AHRR: variants seen among roughly 807,000 people sequenced by gnomAD.
The protein encoded by AHRR is aryl hydrocarbon receptor repressor.
A neutral mutation model predicts 44.0 loss-of-function variants in AHRR; 28 were observed. The ratio of observed to expected loss-of-function variants is 0.64; its 90% confidence interval spans 0.47 to 0.87. AHRR has a LOEUF of 0.87. AHRR is among the 40% of genes least tolerant of loss of function. The pLI, the probability that AHRR is intolerant of heterozygous loss-of-function variation, is 0.00. For missense variants in AHRR, 990 were observed against 953.9 expected, an observed-to-expected ratio of 1.04 and a Z score of -0.50; for synonymous variants, 434 against 407.0, an observed-to-expected ratio of 1.07 and a Z score of -0.80.
intron 4 of AHRR, among the ~76,000 whole-genome samples, chr5:394,185 T>C (rs1362001267): frequency 6.6e-6 from 1 of 152,236 alleles, no homozygotes; most frequent in African/African-American, 2.4e-5. Context: ...ACAAGGAGCC[T>C]CCAGGCTGCA....
chr5:423,777 T>C, intron 6 of AHRR, 64 bp from the exon 7 acceptor site: 4 of 1,534,564 alleles, frequency 2.6e-6, no homozygotes, highest in Non-Finnish European at 3.5e-6. Context: ...GGCGTGGTTG[T>C]GCGTGTGACA....
At position 434,540 on chromosome 5, in the gene AHRR, C is replaced by T. The variant is rs373924280; in HGVS notation, c.1800C>T (p.Ala600=). Reference sequence around the variant, plus strand: ...GGGGGGCTCAGCCCCATGGGAGGGCCACTGCTGGGCGCAGCAGGGAGCTGA... The same window carrying T: ...GGGGGGCTCAGCCCCATGGGAGGGCTACTGCTGGGCGCAGCAGGGAGCTGA... The part of the protein sequence containing the change: ...GVRGAQPHGR[A]TAGRSRELTP... The change falls in exon 11 of 11, where the codon GCC becomes GCT. Residue 600 remains alanine, a synonymous_variant. Coordinates refer to ENST00000684583, the MANE Select transcript of AHRR (RefSeq NM_001377236.1). 90 of 1,608,634 alleles carry T rather than the reference C, an allele frequency of 5.6e-5. No homozygotes were observed. The highest frequency in any genetic ancestry group is 7.5e-5 in the Non-Finnish European group (88 of 1,178,168).
In AHRR at chr5:399,822, T is replaced by C. The variant is rs957141472; in HGVS notation, c.352-13522T>C. Among the ~76,000 whole-genome samples, 7 of 152,208 alleles carry C rather than the reference T, an allele frequency of 4.6e-5. No homozygotes were observed. In the East Asian group the frequency reaches 1.2e-3, roughly 25 times the overall value. ...CCCGGGGCTTCAGTCAGCCTCCCAC[T>C]CTGTGGCCATCCGGCCAGCTGCATT... On this transcript the variant is annotated intron_variant, in intron 4 of 10. Coordinates refer to ENST00000684583, the MANE Select transcript of AHRR (RefSeq NM_001377236.1).
intron 4 of AHRR, among the ~76,000 whole-genome samples, chr5:392,419 G>A (rs1255698168): frequency 5.1e-5 from 7 of 137,284 alleles, no homozygotes; most frequent in Non-Finnish European, 6.4e-5. Flanking sequence ...GAGCGTGCAC[G>A]AACACACGGG....
intron 1 of AHRR, among the ~76,000 whole-genome samples, chr5:341,934 AT>A (rs1742364211): frequency 6.6e-6 from 1 of 152,094 alleles, no homozygotes; most frequent in Non-Finnish European, 1.5e-5. Flanking sequence ...ATATTTTTAA[AT>A]TTCTTTGTGA....
At chr5:371,526 A>G (rs999758774) in intron 3 of AHRR, among the ~76,000 whole-genome samples, 2 of 152,208 alleles carry the variant, frequency 1.3e-5, no homozygotes, top group African/African-American at 4.8e-5. Context: ...GGGCAGGTGC[A>G]GCAGGGGCTG....
chr5:371,555 G>GGGT (rs1743581257), intron 3 of AHRR, among the ~76,000 whole-genome samples: 1 of 152,116 alleles, frequency 6.6e-6, no homozygotes, highest in Non-Finnish European at 1.5e-5. Flanking sequence ...CCTCATGCAC[G>GGGT]GGTAAGCCCC....
rs1219819015 is a variant in AHRR at position 427,905 on chromosome 5, T to C, written c.807T>C (p.Ile269=). The change falls in exon 8 of 11, where the codon ATT becomes ATC. Residue 269 remains isoleucine (I), a synonymous_variant. Transcript: ENST00000684583. ...MLPPRLSLFC[I]AAPVLLPSAA... Reference sequence around the variant, plus strand: ...CGCCGCGGCTGTCGCTGTTCTGCATTGCGGCACCCGTTCTCCTCCCCTCCG... The same window carrying C: ...CGCCGCGGCTGTCGCTGTTCTGCATCGCGGCACCCGTTCTCCTCCCCTCCG... 4 of 1,614,110 alleles carry C rather than the reference T, an allele frequency of 2.5e-6. No homozygotes were observed. Among genetic ancestry groups the C allele is most frequent in the East Asian group, 4.5e-5 (2 of 44,888 alleles).
At chr5:421,190 A>T (rs768955044) in intron 5 of AHRR, 140 of 644,096 alleles carry the variant, frequency 2.2e-4, no homozygotes, top group Non-Finnish European at 2.9e-4. Flanking sequence ...GGTGCCGGGC[A>T]GGAGGCCCTT....
intron 8 of AHRR, among the ~76,000 whole-genome samples, chr5:430,828 C>G (rs566492168): frequency 9.2e-5 from 14 of 152,280 alleles, no homozygotes; most frequent in Admixed American, 3.9e-4. Context: ...CCTGCTGAGG[C>G]CCACACATCT....
At position 437,405 on chromosome 5, in the gene AHRR, A is replaced by C. The variant is rs1327872998; in HGVS notation, c.*2571A>C. On this transcript the variant is annotated 3_prime_UTR_variant, in exon 11 of 11. Coordinates refer to ENST00000684583, the MANE Select transcript of AHRR (RefSeq NM_001377236.1). ...AGGAGGGCAGGGAGCTCAGTGACTGAGAGTCTTGTGTATCACATGTCTTGA... is the reference window on the plus strand; with the variant it reads ...AGGAGGGCAGGGAGCTCAGTGACTGCGAGTCTTGTGTATCACATGTCTTGA... 1.3e-5 allele frequency: 2 copies of C among 152,314 alleles called. No individual in the cohort carries two copies. The highest frequency in any genetic ancestry group is 4.8e-5 in the African/African-American group (2 of 41,440). 9.4% of individuals were successfully genotyped at this position (152,314 alleles called of 1,614,324 possible).
chr5:417,894 A>G (rs934508851), intron 5 of AHRR, among the ~76,000 whole-genome samples: 14 of 152,244 alleles, frequency 9.2e-5, no homozygotes, highest in Admixed American at 2.6e-4. Context: ...TCAGGAACCA[A>G]TTATTCCCAG....
At chr5:397,833 T>C (rs1378410131) in intron 4 of AHRR, among the ~76,000 whole-genome samples, 1 of 73,212 alleles carries the variant, frequency 1.4e-5, no homozygotes. Flanking sequence ...TGACCGTCCA[T>C]GTTAGCCCCT....
At chr5:345,285 G>A (rs111162226) in intron 2 of AHRR, among the ~76,000 whole-genome samples, 44 of 119,862 alleles carry the variant, frequency 3.7e-4, no homozygotes, top group African/African-American at 1.1e-3. Flanking sequence ...TGTGTGTGTC[G>A]GATGATGTCC....
intron 4 of AHRR, among the ~76,000 whole-genome samples, chr5:398,968 C>T (rs1044673781): frequency 6.6e-5 from 10 of 152,240 alleles, no homozygotes; most frequent in African/African-American, 1.9e-4. Context: ...TCATTCCTCT[C>T]GAGGACCAAG....
At chr5:424,081 CAT>C in intron 7 of AHRR, 104 bp downstream of exon 7, 1 of 1,483,754 alleles carries the variant, frequency 6.7e-7, no homozygotes, top group East Asian at 2.3e-5. Context: ...CGTTAAACCA[CAT>C]GTCCCTGGTG....
At chr5:363,362 C>T (rs1743245020) in intron 3 of AHRR, among the ~76,000 whole-genome samples, 1 of 152,218 alleles carries the variant, frequency 6.6e-6, no homozygotes, top group Non-Finnish European at 1.5e-5. Flanking sequence ...TCTGCCACAA[C>T]TGGCCAACTC....
intron 5 of AHRR, among the ~76,000 whole-genome samples, chr5:416,865 G>A (rs1471384657): frequency 6.6e-6 from 1 of 152,162 alleles, no homozygotes. Context: ...TTTTGTGCAG[G>A]GCCCATGTCT....
At chr5:412,673 A>G (rs1735511432) in intron 4 of AHRR, among the ~76,000 whole-genome samples, 1 of 151,988 alleles carries the variant, frequency 6.6e-6, no homozygotes, top group Admixed American at 6.6e-5. Flanking sequence ...TTCAGCAGAT[A>G]CAGAAAAACA....
Sources: allele counts gnomAD v4.1 joint callset (sites outside exome capture counted in the v4.1 genomes callset), GRCh38; gene constraint gnomAD v4.1.1; transcripts MANE v1.5; gene names NCBI Gene and HGNC (gene_info 2026-07-23, HGNC 2026-07-21).